Variants in RALYL observed in about 807,000 individuals in gnomAD.
The protein encoded by RALYL is RALY RNA binding protein like, also known as RNA-binding Raly-like protein.
RALYL carries 29 observed loss-of-function variants against 35.1 expected under a neutral mutation model. The ratio of observed to expected loss-of-function variants is 0.83; its 90% CI spans 0.61 to 1.13. RALYL has a LOEUF of 1.13. Among genes scored for constraint, RALYL ranks in the 50% most tolerant of loss-of-function variants. The pLI is 0.00. For missense variants in RALYL, 359 were observed against 360.4 expected (o/e 1.00, Z 0.03); for synonymous variants, 120 against 127.6 (o/e 0.94, Z 0.40).
chr8:84,871,552 A>G (rs938418518), intron 6 of RALYL, among the ~76,000 whole-genome samples: 3 of 152,196 alleles, frequency 2.0e-5, no homozygotes, highest in Non-Finnish European at 1.5e-5. Context: ...AGCAAAATCA[A>G]TTTGCAATTG....
At chr8:84,313,132 C>T (rs117342941) in intron 1 of RALYL, among the ~76,000 whole-genome samples, 4,706 of 152,262 alleles carry the variant, frequency 0.031, 312 homozygotes, top group East Asian at 0.18. Context: ...AGCAACAGCC[C>T]GAGCTGTACC....
At chr8:84,424,875 C>T (rs1351596170) in intron 1 of RALYL, among the ~76,000 whole-genome samples, 1 of 151,758 alleles carries the variant, frequency 6.6e-6, no homozygotes, top group African/African-American at 2.4e-5. Flanking sequence ...GGTCAGGGGT[C>T]AGGGACCCAC....
chr8:84,230,300 G>C (rs1420508908), intron 1 of RALYL, among the ~76,000 whole-genome samples: 10 of 151,930 alleles, frequency 6.6e-5, no homozygotes, highest in Non-Finnish European at 1.0e-4. Flanking sequence ...TCAAAACAAT[G>C]TATACATGGA....
chr8:84,353,514 C>T (rs1334311917), intron 1 of RALYL, among the ~76,000 whole-genome samples: 1 of 150,392 alleles, frequency 6.6e-6, no homozygotes, highest in African/African-American at 2.5e-5. Context: ...TAGATTCCAG[C>T]TGTGACAATG....
chr8:84,799,678 C>G (rs1822745917), intron 3 of RALYL, among the ~76,000 whole-genome samples: 1 of 152,294 alleles, frequency 6.6e-6, no homozygotes, highest in South Asian at 2.1e-4. Context: ...GAGGAAGGGC[C>G]GGGTGCGCTG....
intron 2 of RALYL, among the ~76,000 whole-genome samples, chr8:84,587,552 A>G (rs189643927): frequency 1.3e-5 from 2 of 152,358 alleles, no homozygotes; most frequent in African/African-American, 4.8e-5. Context: ...CATTCCCCAG[A>G]TAAGAGTTAT....
In RALYL at chr8:84,494,401, A is replaced by G. The variant is rs1013691775; in HGVS notation, c.-23-34898A>G. 2.6e-5 allele frequency among the ~76,000 whole-genome samples: 4 copies of G among 152,060 alleles called. No homozygotes were observed. The South Asian group carries it at 6.2e-4, about 24-fold the overall frequency. On this transcript the variant is annotated intron_variant, in intron 1 of 8. Coordinates refer to ENST00000521268, the MANE Select transcript of RALYL (RefSeq NM_173848.7). ...TTGCTATGTGGGCTTTTTGGGTTCCATATGAATTTTAAAGTAGTTTTTTTC... is the reference window on the plus strand; with the variant it reads ...TTGCTATGTGGGCTTTTTGGGTTCCGTATGAATTTTAAAGTAGTTTTTTTC...
intron 8 of RALYL, among the ~76,000 whole-genome samples, chr8:84,909,699 T>C (rs1847177847): frequency 6.6e-6 from 1 of 152,102 alleles, no homozygotes; most frequent in East Asian, 1.9e-4. Flanking sequence ...AGTTTTTTAA[T>C]CTATAATATG....
At chr8:84,480,753 A>T in intron 1 of RALYL, among the ~76,000 whole-genome samples, 1 of 152,174 alleles carries the variant, frequency 6.6e-6, no homozygotes. Context: ...GATAGCAGAG[A>T]TGACTTTTAT....
At chr8:84,767,665 G>T (rs1814443775) in intron 2 of RALYL, among the ~76,000 whole-genome samples, 1 of 152,108 alleles carries the variant, frequency 6.6e-6, no homozygotes, top group South Asian at 2.1e-4. Context: ...GTTCTCTTCT[G>T]CTTTATCCCT....
At chr8:84,432,204 TA>T (rs1227749269) in intron 1 of RALYL, among the ~76,000 whole-genome samples, 2 of 152,134 alleles carry the variant, frequency 1.3e-5, no homozygotes, top group Non-Finnish European at 2.9e-5. Flanking sequence ...ATTCAGCCTT[TA>T]AGGAAAATCC....
chr8:84,273,994 CTTT>C (rs1448092553), intron 1 of RALYL, among the ~76,000 whole-genome samples: 2 of 152,078 alleles, frequency 1.3e-5, no homozygotes, highest in Non-Finnish European at 2.9e-5. Context: ...TTCTTCTTTT[CTTT>C]TTTCTCATTT....
At chr8:84,570,951 A>C (rs1007644909) in intron 2 of RALYL, among the ~76,000 whole-genome samples, 1 of 151,814 alleles carries the variant, frequency 6.6e-6, no homozygotes, top group Non-Finnish European at 1.5e-5. Flanking sequence ...ATGATAAATT[A>C]TCTTTTCATG....
intron 6 of RALYL, among the ~76,000 whole-genome samples, chr8:84,864,295 G>T (rs1351125890): frequency 6.6e-6 from 1 of 151,982 alleles, no homozygotes; most frequent in African/African-American, 2.4e-5. Context: ...TATTTTGAAA[G>T]AAATGTGGTG....
At chr8:84,779,511 C>T (rs1004520783) in intron 3 of RALYL, among the ~76,000 whole-genome samples, 2 of 152,088 alleles carry the variant, frequency 1.3e-5, no homozygotes, top group Non-Finnish European at 2.9e-5. Context: ...GGTACTATTG[C>T]CAAATATTGC....
intron 2 of RALYL, among the ~76,000 whole-genome samples, chr8:84,620,987 C>T (rs1288472808): frequency 6.6e-6 from 1 of 152,148 alleles, no homozygotes; most frequent in Non-Finnish European, 1.5e-5. Context: ...AGAACCACTG[C>T]TCTCTTCAAA....
intron 4 of RALYL, among the ~76,000 whole-genome samples, chr8:84,843,240 C>T (rs1273233152): frequency 6.6e-6 from 1 of 152,160 alleles, no homozygotes; most frequent in Non-Finnish European, 1.5e-5. Flanking sequence ...CCCAAAATCT[C>T]CTTAAGCTGA....
intron 2 of RALYL, among the ~76,000 whole-genome samples, chr8:84,648,622 T>A (rs541409542): frequency 6.6e-6 from 1 of 152,084 alleles, no homozygotes; most frequent in Admixed American, 6.6e-5. Context: ...ATGGAATAAA[T>A]CATTATACAT....
At chr8:84,425,783 C>CTGTGTGTGTGTGTG (rs1554662152) in intron 1 of RALYL, among the ~76,000 whole-genome samples, 1 of 144,508 alleles carries the variant, frequency 6.9e-6, no homozygotes, top group African/African-American at 2.6e-5. Context: ...AGTTTTTCTT[C>CTGTGTGTGTGTGTG]TGTGTGTGTG....
Sources: gnomAD v4.1 joint callset for allele counts (sites outside exome capture counted in the v4.1 genomes callset) on GRCh38, gnomAD v4.1.1 for gene constraint, MANE v1.5 for transcripts, NCBI Gene and HGNC (gene_info 2026-07-23, HGNC 2026-07-21) for gene names.